FAM193A: variants seen among roughly 807,000 people sequenced by gnomAD.
FAM193A encodes the protein family with sequence similarity 193 member A.
Under a neutral mutation model 126.5 loss-of-function variants are expected in FAM193A, and 22 were observed. That is an observed-to-expected ratio of 0.17 (90% CI 0.12 to 0.25). The LOEUF is 0.25. Among genes scored for constraint, FAM193A ranks in the 10% least tolerant of loss-of-function variants. The pLI is 1.00. For synonymous variants in FAM193A, 761 were observed against 646.8 expected (o/e 1.18, Z -2.68); for missense variants, 1,675 against 1,672.8 (o/e 1.00, Z -0.02).
chr4:2,677,512 G>C (rs933116564), intron 13 of FAM193A, among the ~76,000 whole-genome samples: 62 of 151,686 alleles, frequency 4.1e-4, no homozygotes, highest in African/African-American at 1.3e-3. Flanking sequence ...AGGCTGAGGC[G>C]GGCGGATCAC....
At chr4:2,565,419 G>A (rs1256154653) in intron 1 of FAM193A, among the ~76,000 whole-genome samples, 1 of 151,706 alleles carries the variant, frequency 6.6e-6, no homozygotes, top group African/African-American at 2.4e-5. Flanking sequence ...ACCACCACCC[G>A]GCTAATTTTT....
chr4:2,710,627 C>T (rs985628934), intron 19 of FAM193A, among the ~76,000 whole-genome samples: 2 of 151,734 alleles, frequency 1.3e-5, no homozygotes, highest in Admixed American at 6.6e-5. Context: ...CTCACCTTCT[C>T]AAGTAGGTGG....
chr4:2,699,467 AG>A (rs1489388899), intron 18 of FAM193A, among the ~76,000 whole-genome samples: 4 of 145,426 alleles, frequency 2.8e-5, no homozygotes, highest in Non-Finnish European at 4.5e-5. Flanking sequence ...CACACAAATA[AG>A]TAAGCATATA....
chr4:2,578,909 G>A (rs1323572106), intron 1 of FAM193A, among the ~76,000 whole-genome samples: 3 of 152,034 alleles, frequency 2.0e-5, no homozygotes, highest in Non-Finnish European at 4.4e-5. Context: ...GGAGAGGTTG[G>A]TCTTGCTGTT....
chr4:2,689,438 G>GT (rs57273800), intron 13 of FAM193A, 68 bp from the exon 14 acceptor site: 53,486 of 1,201,542 alleles, frequency 0.045, 2,011 homozygotes, highest in African/African-American at 0.18. Flanking sequence ...TCTGTCTGTA[G>GT]TTTAACTACT....
chr4:2,712,326 CTTA>C (rs950503187), intron 19 of FAM193A, among the ~76,000 whole-genome samples: 6 of 152,248 alleles, frequency 3.9e-5, no homozygotes, highest in Admixed American at 3.3e-4. Context: ...TCTTCTGTGG[CTTA>C]TTATTAATAT....
At chr4:2,547,335 A>G (rs1737624883) in intron 1 of FAM193A, among the ~76,000 whole-genome samples, 1 of 152,114 alleles carries the variant, frequency 6.6e-6, no homozygotes, top group Non-Finnish European at 1.5e-5. Flanking sequence ...GAAGGTTGCT[A>G]TGAGCCAAGA....
intron 6 of FAM193A, among the ~76,000 whole-genome samples, chr4:2,644,868 A>T (rs528351502): frequency 1.3e-5 from 2 of 152,350 alleles, no homozygotes; most frequent in East Asian, 3.9e-4. Flanking sequence ...AAAATTATGA[A>T]AATATAGAAA....
upstream of FAM193A, among the ~76,000 whole-genome samples, chr4:2,535,638 A>G (rs1736835707): frequency 6.6e-6 from 1 of 152,004 alleles, no homozygotes; most frequent in Admixed American, 6.5e-5. Context: ...AAGGCCGCGG[A>G]GGGAGGAGGG....
At chr4:2,634,118 G>A (rs1743866395) in intron 5 of FAM193A, among the ~76,000 whole-genome samples, 1 of 152,192 alleles carries the variant, frequency 6.6e-6, no homozygotes, top group Non-Finnish European at 1.5e-5. Flanking sequence ...CACTAGTAAG[G>A]TTGAAGTGGA....
At chr4:2,730,364 A>G (rs1375555810) in intron 20 of FAM193A, among the ~76,000 whole-genome samples, 1 of 152,192 alleles carries the variant, frequency 6.6e-6, no homozygotes, top group African/African-American at 2.4e-5. Context: ...ATATATGTGT[A>G]TACAATTTTT....
intron 19 of FAM193A, among the ~76,000 whole-genome samples, chr4:2,713,799 A>G (rs996085954): frequency 1.3e-5 from 2 of 152,210 alleles, no homozygotes; most frequent in Non-Finnish European, 2.9e-5. Context: ...GAGTAGGGCC[A>G]CAGAATTCTC....
chr4:2,707,433 T>C (rs185947040), intron 19 of FAM193A, among the ~76,000 whole-genome samples: 80 of 152,290 alleles, frequency 5.3e-4, no homozygotes, highest in African/African-American at 1.8e-3. Flanking sequence ...TAGTTATATG[T>C]CATTATCGAG....
chr4:2,630,201 G>A (rs147025804), intron 4 of FAM193A, among the ~76,000 whole-genome samples: 17 of 150,952 alleles, frequency 1.1e-4, no homozygotes, highest in African/African-American at 2.7e-4. Context: ...CCAAAGTTTG[G>A]CCTGAAATTC....
Position 2,549,162 on chromosome 4 carries a change from C to G in FAM193A, c.255+11992C>G, listed in dbSNP as rs1180094293. ...CCATGTTGGCCATGCTCGTCTTGAACTCCTGACCTTAAGTGATGGGCCCAC... is the reference window on the plus strand; with the variant it reads ...CCATGTTGGCCATGCTCGTCTTGAAGTCCTGACCTTAAGTGATGGGCCCAC... On this transcript the variant is annotated intron_variant, in intron 1 of 20. Coordinates refer to ENST00000637812, the MANE Select transcript of FAM193A (RefSeq NM_001366318.2). 5.3e-5 allele frequency among the ~76,000 whole-genome samples: 8 copies of G among 151,756 alleles called. 1 individual carries two copies. The highest frequency in any genetic ancestry group is 8.8e-5 in the Non-Finnish European group (6 of 67,874).
chr4:2,717,811 G>A (rs11936155), intron 20 of FAM193A, among the ~76,000 whole-genome samples: 39,852 of 149,702 alleles, frequency 0.27, 5,795 homozygotes, highest in Middle Eastern at 0.39. Context: ...CTGCCACCAC[G>A]CCCAGCTAAT....
chr4:2,569,209 A>C (rs1419446322), intron 1 of FAM193A, among the ~76,000 whole-genome samples: 1 of 151,670 alleles, frequency 6.6e-6, no homozygotes, highest in East Asian at 1.9e-4. Context: ...GAGCTCAGGT[A>C]ATCCACCCTG....
chr4:2,620,443 A>G (rs1742471670), intron 2 of FAM193A, among the ~76,000 whole-genome samples: 1 of 152,236 alleles, frequency 6.6e-6, no homozygotes, highest in Admixed American at 6.6e-5. Flanking sequence ...GATTTCAGAT[A>G]GCAGTTTAAT....
intron 2 of FAM193A, among the ~76,000 whole-genome samples, chr4:2,625,020 G>A (rs1054612785): frequency 2.6e-5 from 4 of 152,118 alleles, no homozygotes; most frequent in Non-Finnish European, 5.9e-5. Context: ...AACACGCCCG[G>A]CCTATTTTTT....
Sources: gnomAD v4.1 joint callset for allele counts (sites outside exome capture counted in the v4.1 genomes callset) on GRCh38, gnomAD v4.1.1 for gene constraint, MANE v1.5 for transcripts, NCBI Gene and HGNC (gene_info 2026-07-23, HGNC 2026-07-21) for gene names.